The following DLG2 variants were observed in gnomAD, a reference collection of about 807,000 sequenced individuals.
DLG2 encodes the protein discs large MAGUK scaffold protein 2.
Under a neutral mutation model 132.5 loss-of-function variants are expected in DLG2, and 45 were observed. The ratio of observed to expected loss-of-function variants is 0.34; its 90% CI spans 0.27 to 0.44. The LOEUF is 0.44. DLG2 is among the 20% of genes least tolerant of loss of function. The pLI is 1.00. For missense variants in DLG2, 1,045 were observed against 1,196.9 expected, an observed-to-expected ratio of 0.87 and a Z score of 1.87; for synonymous variants, 424 against 419.6, an observed-to-expected ratio of 1.01 and a Z score of -0.13.
chr11:85,491,449 C>A (rs576099185), intron 3 of DLG2, among the ~76,000 whole-genome samples: 1 of 151,950 alleles, frequency 6.6e-6, no homozygotes, highest in South Asian at 2.1e-4. Context: ...AAATAGTCAC[C>A]CAAATTGTAA....
At chr11:83,705,100 G>A (rs1172609893) in intron 18 of DLG2, among the ~76,000 whole-genome samples, 2 of 152,078 alleles carry the variant, frequency 1.3e-5, no homozygotes. Flanking sequence ...GACATGAACA[G>A]GAATGTGATA....
At chr11:85,569,807 T>C (rs1383157128) in intron 3 of DLG2, among the ~76,000 whole-genome samples, 3 of 152,180 alleles carry the variant, frequency 2.0e-5, no homozygotes, top group Admixed American at 6.5e-5. Flanking sequence ...AGTTCAGCCA[T>C]TGTGGAAAGC....
intron 18 of DLG2, among the ~76,000 whole-genome samples, chr11:83,679,307 T>C (rs1412003274): frequency 2.0e-5 from 3 of 152,192 alleles, no homozygotes; most frequent in Non-Finnish European, 4.4e-5. Flanking sequence ...TCATAAACTA[T>C]ATTTACTAGT....
intron 8 of DLG2, among the ~76,000 whole-genome samples, chr11:84,243,578 G>A (rs1003304501): frequency 7.9e-5 from 12 of 152,190 alleles, no homozygotes; most frequent in African/African-American, 2.4e-4. Flanking sequence ...ACAAATCACT[G>A]AAGTTTTTAT....
In DLG2 at chr11:84,945,888, T is replaced by A. The variant is rs189081784; in HGVS notation, c.357+165773A>T. ...CTGAAGAAGCCACTTGGTGCTCTAT[T>A]CAACTGCAGCTGAGCTGGTACCTTA... On this transcript the variant is annotated intron_variant, in intron 6 of 27. Transcript: ENST00000376104. Among the ~76,000 whole-genome samples, 61 of 152,156 alleles carry A rather than the reference T, an allele frequency of 4.0e-4. 1 individual carries two copies. Among genetic ancestry groups the A allele is most frequent in the African/African-American group, 1.4e-3 (58 of 41,520 alleles).
intron 6 of DLG2, among the ~76,000 whole-genome samples, chr11:85,081,913 C>T (rs1178646749): frequency 6.6e-6 from 1 of 152,106 alleles, no homozygotes; most frequent in African/African-American, 2.4e-5. Context: ...GAAGGAAATG[C>T]ATACTTGGGG....
At chr11:84,809,764 T>C (rs1002653028) in intron 6 of DLG2, among the ~76,000 whole-genome samples, 1 of 151,982 alleles carries the variant, frequency 6.6e-6, no homozygotes, top group Non-Finnish European at 1.5e-5. Context: ...TTCTGAAGTG[T>C]ATATGAAAAT....
At chr11:84,373,265 C>CAAAAACAAAAAACAA in intron 7 of DLG2, among the ~76,000 whole-genome samples, 1 of 98,052 alleles carries the variant, frequency 1.0e-5, no homozygotes, top group Non-Finnish European at 1.8e-5. Flanking sequence ...AAAAAAAAAA[C>CAAAAACAAAAAACAA]AAAACAAAAA....
chr11:84,395,196 G>C (rs2098807064), intron 7 of DLG2, among the ~76,000 whole-genome samples: 1 of 151,264 alleles, frequency 6.6e-6, no homozygotes, highest in Admixed American at 6.6e-5. Flanking sequence ...AGTCAGCTGG[G>C]CGGTTTTTAC....
At chr11:83,801,302 C>T (rs1404237107) in intron 17 of DLG2, among the ~76,000 whole-genome samples, 2 of 152,130 alleles carry the variant, frequency 1.3e-5, no homozygotes, top group Non-Finnish European at 2.9e-5. Flanking sequence ...GCCCACTCCT[C>T]CCACCCTCCT....
At chr11:84,381,149 G>C (rs2098747900) in intron 7 of DLG2, among the ~76,000 whole-genome samples, 1 of 151,828 alleles carries the variant, frequency 6.6e-6, no homozygotes, top group African/African-American at 2.4e-5. Context: ...CAAATTTCCT[G>C]ACAATCATAA....
intron 7 of DLG2, among the ~76,000 whole-genome samples, chr11:84,431,264 C>T (rs779387219): frequency 5.3e-5 from 8 of 152,140 alleles, no homozygotes; most frequent in African/African-American, 9.7e-5. Flanking sequence ...AGAGTATTAT[C>T]TACCAGTGAG....
At chr11:85,158,121 G>A (rs966051518) in intron 4 of DLG2, among the ~76,000 whole-genome samples, 1 of 152,020 alleles carries the variant, frequency 6.6e-6, no homozygotes, top group Non-Finnish European at 1.5e-5. Flanking sequence ...GACCTATAAG[G>A]AGGTACACTA....
chr11:84,255,248 A>G (rs1389011980), intron 7 of DLG2, among the ~76,000 whole-genome samples: 3 of 152,042 alleles, frequency 2.0e-5, no homozygotes, highest in African/African-American at 7.2e-5. Flanking sequence ...CTAAAAACCA[A>G]CTATCCACTT....
At chr11:84,459,776 C>CT (rs1236890612) in intron 7 of DLG2, among the ~76,000 whole-genome samples, 1 of 150,518 alleles carries the variant, frequency 6.6e-6, no homozygotes, top group Non-Finnish European at 1.5e-5. Flanking sequence ...AAGTATACAT[C>CT]TTTTAATACT....
At position 85,219,650 on chromosome 11, in the gene DLG2, C is replaced by T. The variant is rs370914615; in HGVS notation, c.187-64999G>A. Among the ~76,000 whole-genome samples, 3 of 151,030 alleles carry T rather than the reference C, an allele frequency of 2.0e-5. No homozygotes were observed. The Admixed American group carries it at 2.0e-4, about 10-fold the overall frequency. On this transcript the variant is annotated intron_variant, in intron 4 of 27. Transcript: ENST00000376104. ...ACACTGTTATCAGGTGGCATTCTCC[C>T]TGTGTATCTATATCTAAATTCCCAT...
chr11:84,849,166 C>T (rs375009809), intron 6 of DLG2, among the ~76,000 whole-genome samples: 1 of 152,104 alleles, frequency 6.6e-6, no homozygotes. Flanking sequence ...AACCAACAGT[C>T]AAACAGCGTA....
At chr11:84,618,573 G>C (rs897803641) in intron 6 of DLG2, among the ~76,000 whole-genome samples, 9 of 152,030 alleles carry the variant, frequency 5.9e-5, no homozygotes, top group Non-Finnish European at 1.0e-4. Context: ...TTTCAGGTCT[G>C]AGATCAGAAA....
intron 6 of DLG2, among the ~76,000 whole-genome samples, chr11:84,960,799 ATGATGATGATGATGG>A (rs1215742616): frequency 1.3e-5 from 2 of 152,060 alleles, no homozygotes; most frequent in East Asian, 3.9e-4. Context: ...CTGATTTTTG[ATGATGATGATGATGG>A]TGATGATGAC....
Sources: gnomAD v4.1 joint callset for allele counts (sites outside exome capture counted in the v4.1 genomes callset) on GRCh38, gnomAD v4.1.1 for gene constraint, MANE v1.5 for transcripts, NCBI Gene and HGNC (gene_info 2026-07-23, HGNC 2026-07-21) for gene names.